PTPRT: variants seen among roughly 807,000 people sequenced by gnomAD.
PTPRT encodes the protein receptor-type tyrosine-protein phosphatase T.
In PTPRT, 56 loss-of-function variants were observed where a neutral mutation model predicts 176.8. The observed-to-expected ratio is 0.32, with a 90% CI of 0.26 to 0.40. PTPRT has a LOEUF of 0.40. Ranked by LOEUF, PTPRT falls within the 10% of genes least tolerant of loss-of-function variation. The pLI is 1.00. For synonymous variants in PTPRT, 783 were observed against 739.0 expected (o/e 1.06, Z -0.96); for missense variants, 1,540 against 1,908.2 (o/e 0.81, Z 3.60).
At chr20:42,393,795 T>C (rs552438733) in intron 9 of PTPRT, among the ~76,000 whole-genome samples, 137 of 152,316 alleles carry the variant, frequency 9.0e-4, no homozygotes, top group African/African-American at 3.1e-3. Flanking sequence ...ATTTTTAGTG[T>C]GCAATTTTAC....
At position 42,090,305 on chromosome 20, in the gene PTPRT, C is replaced by T. The variant is rs571096416; in HGVS notation, c.3847-4452G>A. ...TTAGGATAATACTCAAAGGACTGCC[C>T]GTGTGGAAATTCTGGATCAGCCAGC... On this transcript the variant is annotated intron_variant, in intron 27 of 30. Coordinates refer to ENST00000373187, the MANE Select transcript of PTPRT (RefSeq NM_007050.6). 1.3e-4 allele frequency among the ~76,000 whole-genome samples: 20 copies of T among 151,120 alleles called. No homozygotes were observed. In the South Asian group the frequency reaches 3.4e-3, roughly 26 times the overall value.
intron 11 of PTPRT, among the ~76,000 whole-genome samples, chr20:42,320,239 C>A (rs950910518): frequency 2.6e-5 from 4 of 152,146 alleles, no homozygotes; most frequent in African/African-American, 7.2e-5. Context: ...ACCCTCAGAA[C>A]CTCTCCATAG....
intron 2 of PTPRT, among the ~76,000 whole-genome samples, chr20:42,814,864 G>A (rs556298008): frequency 1.7e-4 from 26 of 152,248 alleles, no homozygotes; most frequent in African/African-American, 6.3e-4. Flanking sequence ...ACGCAAGCTT[G>A]TGGGAAGAAC....
At chr20:42,118,827 T>C (rs529212918) in intron 20 of PTPRT, among the ~76,000 whole-genome samples, 1 of 151,748 alleles carries the variant, frequency 6.6e-6, no homozygotes, top group Admixed American at 6.6e-5. Flanking sequence ...ATCTGGACTG[T>C]ATTATGGCTT....
intron 17 of PTPRT, among the ~76,000 whole-genome samples, chr20:42,156,896 A>G (rs1989377575): frequency 6.6e-6 from 1 of 152,180 alleles, no homozygotes. Context: ...TCCATTCTCA[A>G]CACAGTAGCT....
At chr20:42,590,995 G>A (rs2073562729) in intron 7 of PTPRT, among the ~76,000 whole-genome samples, 1 of 143,036 alleles carries the variant, frequency 7.0e-6, no homozygotes, top group Admixed American at 7.1e-5. Context: ...TTCCAAAGAG[G>A]GACTTTTCCA....
intron 13 of PTPRT, among the ~76,000 whole-genome samples, chr20:42,251,880 AT>A (rs2056556817): frequency 6.6e-6 from 1 of 152,196 alleles, no homozygotes; most frequent in African/African-American, 2.4e-5. Context: ...ACAGGGCACC[AT>A]TTAAGTGTTA....
At chr20:42,944,496 A>G (rs929432022) in intron 1 of PTPRT, among the ~76,000 whole-genome samples, 13 of 152,162 alleles carry the variant, frequency 8.5e-5, no homozygotes, top group Admixed American at 3.3e-4. Context: ...CTACCTGAAG[A>G]GCATCTCAAT....
intron 13 of PTPRT, chr20:42,270,364 CCCCT>C: frequency 1.4e-6 from 1 of 722,178 alleles, no homozygotes; most frequent in Non-Finnish European, 2.3e-6. Context: ...GGGCAACTCT[CCCCT>C]CCCACCCGCC....
chr20:42,152,225 T>G (rs907944784), intron 17 of PTPRT, among the ~76,000 whole-genome samples: 13 of 152,264 alleles, frequency 8.5e-5, no homozygotes, highest in Non-Finnish European at 1.9e-4. Context: ...AGTGGTGGCC[T>G]TGGCAGAGGC....
chr20:42,340,326 T>C (rs2145473009), intron 11 of PTPRT, among the ~76,000 whole-genome samples: 1 of 152,340 alleles, frequency 6.6e-6, no homozygotes, highest in Non-Finnish European at 1.5e-5. Flanking sequence ...AATACTTATA[T>C]GTTTATAAAA....
At chr20:42,665,705 A>T (rs1256610564) in intron 7 of PTPRT, among the ~76,000 whole-genome samples, 1 of 152,194 alleles carries the variant, frequency 6.6e-6, no homozygotes, top group African/African-American at 2.4e-5. Context: ...AATGTCCAAC[A>T]GTGATAGACT....
chr20:43,117,000 CTT>C (rs1021262741), intron 1 of PTPRT, among the ~76,000 whole-genome samples: 6 of 152,126 alleles, frequency 3.9e-5, no homozygotes, highest in Admixed American at 3.9e-4. Flanking sequence ...TTAACTTGGG[CTT>C]CAGGTTGGGT....
At chr20:42,099,795 T>C (rs1308499246) in intron 26 of PTPRT, among the ~76,000 whole-genome samples, 3 of 146,934 alleles carry the variant, frequency 2.0e-5, no homozygotes, top group Non-Finnish European at 4.5e-5. Context: ...CTTGCAAACA[T>C]GGATATCATG....
At chr20:42,369,711 G>C (rs2058562150) in intron 9 of PTPRT, among the ~76,000 whole-genome samples, 2 of 152,192 alleles carry the variant, frequency 1.3e-5, no homozygotes, top group South Asian at 2.1e-4. Context: ...AAGGAGGATG[G>C]GGCAGACACA....
chr20:42,610,878 ATCT>A (rs1255999938), intron 7 of PTPRT, among the ~76,000 whole-genome samples: 2 of 152,120 alleles, frequency 1.3e-5, no homozygotes, highest in Admixed American at 6.6e-5. Context: ...GCAACCACTA[ATCT>A]TCTTTCCGTG....
At chr20:42,827,159 T>C (rs2078008248) in intron 2 of PTPRT, among the ~76,000 whole-genome samples, 1 of 152,076 alleles carries the variant, frequency 6.6e-6, no homozygotes, top group Non-Finnish European at 1.5e-5. Context: ...GGTAGAAAAT[T>C]AACAAAATTA....
intron 1 of PTPRT, among the ~76,000 whole-genome samples, chr20:43,093,697 T>C (rs1305882668): frequency 6.6e-6 from 1 of 152,178 alleles, no homozygotes; most frequent in African/African-American, 2.4e-5. Flanking sequence ...TGGCTTCCCA[T>C]TACACTTATG....
At chr20:42,157,127 A>G (rs1216023830) in intron 17 of PTPRT, among the ~76,000 whole-genome samples, 1 of 152,056 alleles carries the variant, frequency 6.6e-6, no homozygotes, top group Non-Finnish European at 1.5e-5. Context: ...TACATGCCAG[A>G]TATATTACTC....
Sources: gnomAD v4.1 joint callset for allele counts (sites outside exome capture counted in the v4.1 genomes callset) on GRCh38, gnomAD v4.1.1 for gene constraint, MANE v1.5 for transcripts, NCBI Gene and HGNC (gene_info 2026-07-23, HGNC 2026-07-21) for gene names.